The following ZC3H11A variants were observed in gnomAD, a reference collection of about 807,000 sequenced individuals.
ZC3H11A encodes the protein zinc finger CCCH-type containing 11A.
ZC3H11A carries 22 observed loss-of-function variants against 90.8 expected under a neutral mutation model. That is an observed-to-expected ratio of 0.24 (90% CI 0.17 to 0.35). ZC3H11A has a LOEUF of 0.35. Among genes scored for constraint, ZC3H11A ranks in the 10% least tolerant of loss-of-function variants. ZC3H11A has a pLI of 1.00. For missense variants in ZC3H11A, 701 were observed against 964.9 expected (o/e 0.73, Z 3.62); for synonymous variants, 294 against 339.8 (o/e 0.87, Z 1.48).
chr1:203,797,437 T>C, intron 1 of ZC3H11A: 1 of 1,275,528 alleles, frequency 7.8e-7, no homozygotes, highest in East Asian at 2.6e-5. Context: ...GAAAAGGTAA[T>C]GCAAGTAGAG....
chr1:203,833,618 G>GTTTTTTTTTTTTTT (rs553171669), intron 9 of ZC3H11A, among the ~76,000 whole-genome samples, 173 bp from the exon 10 acceptor site: 4 of 124,830 alleles, frequency 3.2e-5, no homozygotes, highest in Non-Finnish European at 5.0e-5. Flanking sequence ...ATAGGTTTGG[G>GTTTTTTTTTTTTTT]TTTTTTTTTT....
rs1473997457 is a variant in ZC3H11A at position 203,795,728 on chromosome 1, A to T, written c.-1654A>T. On this transcript the variant is annotated 5_prime_UTR_variant, in exon 1 of 18. The change creates a new upstream start codon in the 5' untranslated region. Transcript: ENST00000367210. ...GACGGACGGCAGCGGCCAAGCAAGA[A>T]GAAAGACGTGGCAGCAAGCGGGAGT... is the stretch of plus-strand genomic sequence containing the variant. The T allele has an allele frequency of 6.6e-6, 1 of 152,248 alleles. No individual in the cohort carries two copies. Among genetic ancestry groups the T allele is most frequent in the Admixed American group, 6.5e-5 (1 of 15,282 alleles). The allele number at this position is 152,248 out of a possible 1,614,324, so 9.4% of individuals were successfully genotyped here.
intron 17 of ZC3H11A, 34 bp from the exon 18 acceptor site, chr1:203,852,107 C>T (rs761127921): frequency 3.7e-5 from 59 of 1,607,808 alleles, no homozygotes; most frequent in South Asian, 2.2e-4. Flanking sequence ...ATTTTTAAAA[C>T]GGCAGTTTTC....
intron 4 of ZC3H11A, among the ~76,000 whole-genome samples, chr1:203,826,361 A>G (rs1219971886): frequency 2.7e-5 from 4 of 149,538 alleles, no homozygotes; most frequent in African/African-American, 7.4e-5. Context: ...AAATTAATAA[A>G]TAAATATTGA....
At chr1:203,832,115 A>G (rs180806511) in intron 9 of ZC3H11A, among the ~76,000 whole-genome samples, 1,621 of 152,216 alleles carry the variant, frequency 0.011, 21 homozygotes, top group African/African-American at 0.037. Flanking sequence ...CTGGAGTGCA[A>G]TGGCATGATC....
At chr1:203,836,477 C>T (rs546391529) in intron 10 of ZC3H11A, among the ~76,000 whole-genome samples, 144 of 152,244 alleles carry the variant, frequency 9.5e-4, no homozygotes, top group African/African-American at 3.2e-3. Context: ...AGGCTGGGCG[C>T]GGTAGCTTAC....
At chr1:203,827,721 T>C (rs1306674544) in intron 4 of ZC3H11A, among the ~76,000 whole-genome samples, 2 of 151,856 alleles carry the variant, frequency 1.3e-5, no homozygotes, top group Non-Finnish European at 2.9e-5. Context: ...GAAGGATACC[T>C]AACATCCTTA....
At chr1:203,810,166 T>C (rs1673884549) in intron 2 of ZC3H11A, among the ~76,000 whole-genome samples, 2 of 151,800 alleles carry the variant, frequency 1.3e-5, no homozygotes, top group Admixed American at 1.3e-4. Flanking sequence ...TTTTAAGAGA[T>C]GAGGTCTGTC....
intron 4 of ZC3H11A, among the ~76,000 whole-genome samples, chr1:203,820,418 C>T (rs977293086): frequency 1.0e-4 from 15 of 149,008 alleles, no homozygotes; most frequent in Admixed American, 8.7e-4. Context: ...TTGTATTCCC[C>T]CTCATTACTA....
chr1:203,823,102 T>A (rs1357509187), intron 4 of ZC3H11A, among the ~76,000 whole-genome samples: 1 of 152,226 alleles, frequency 6.6e-6, no homozygotes, highest in African/African-American at 2.4e-5. Context: ...TTGTAACATT[T>A]TTAGTGGAGT....
At chr1:203,816,894 A>G in intron 2 of ZC3H11A, 32 bp from the exon 3 acceptor site, 1 of 515,970 alleles carries the variant, frequency 1.9e-6, no homozygotes, top group South Asian at 3.5e-5. Context: ...AATTTACCTG[A>G]AATATTTTAA....
intron 9 of ZC3H11A, among the ~76,000 whole-genome samples, chr1:203,833,574 C>G (rs2103074780): frequency 7.0e-6 from 1 of 143,286 alleles, no homozygotes; most frequent in Non-Finnish European, 1.5e-5. Flanking sequence ...GCTATTGCTT[C>G]TGTTTAGGCT....
intron 17 of ZC3H11A, among the ~76,000 whole-genome samples, chr1:203,851,556 C>T (rs1243046309): frequency 6.6e-6 from 1 of 152,146 alleles, no homozygotes; most frequent in Non-Finnish European, 1.5e-5. Context: ...TCTCAAACTC[C>T]TGACGTCAAG....
At chr1:203,797,777 T>C (rs1456123710) in intron 1 of ZC3H11A, 1 of 1,535,996 alleles carries the variant, frequency 6.5e-7, no homozygotes, top group Non-Finnish European at 8.7e-7. Flanking sequence ...CCAAAAAGTT[T>C]AGTAAGGATT....
chr1:203,819,868 A>G (rs1677916958), intron 4 of ZC3H11A, among the ~76,000 whole-genome samples: 1 of 151,706 alleles, frequency 6.6e-6, no homozygotes, highest in African/African-American at 2.4e-5. Context: ...ATTAACATTG[A>G]TATATTACCA....
intron 2 of ZC3H11A, 24 bp from the exon 3 acceptor site, chr1:203,816,902 T>C: frequency 1.9e-6 from 1 of 522,274 alleles, no homozygotes; most frequent in Non-Finnish European, 3.4e-6. Flanking sequence ...TGAAATATTT[T>C]AATTCATTGT....
At chr1:203,840,830 C>T (rs1469739926) in intron 12 of ZC3H11A, among the ~76,000 whole-genome samples, 1 of 151,966 alleles carries the variant, frequency 6.6e-6, no homozygotes, top group Non-Finnish European at 1.5e-5. Context: ...GACGGGGTTT[C>T]ACCATGTTGG....
intron 5 of ZC3H11A, chr1:203,829,219 G>C (rs6665955): frequency 1.8e-6 from 1 of 565,876 alleles, no homozygotes; most frequent in Non-Finnish European, 3.1e-6. Context: ...GTCTTCTGTT[G>C]ATTCTGTTTT....
At chr1:203,804,933 A>C (rs2102493734) in intron 2 of ZC3H11A, among the ~76,000 whole-genome samples, 1 of 151,972 alleles carries the variant, frequency 6.6e-6, no homozygotes, top group East Asian at 1.9e-4. Flanking sequence ...TCGGCCTCCT[A>C]AAGTGCTGGG....
Sources: gnomAD v4.1 joint callset for allele counts (sites outside exome capture counted in the v4.1 genomes callset) on GRCh38, gnomAD v4.1.1 for gene constraint, MANE v1.5 for transcripts, NCBI Gene and HGNC (gene_info 2026-07-23, HGNC 2026-07-21) for gene names.